The following DCHS2 variants were observed in gnomAD, a reference collection of about 807,000 sequenced individuals.
DCHS2 encodes protocadherin-23.
A neutral mutation model predicts 182.4 loss-of-function variants in DCHS2; 142 were observed. The observed-to-expected ratio is 0.78, with a 90% CI of 0.68 to 0.89. The LOEUF (loss-of-function observed/expected upper bound fraction) is 0.89, where lower values mean the gene tolerates loss of function less well. Ranked by LOEUF, DCHS2 falls within the 40% of genes least tolerant of loss-of-function variation. The pLI, the probability that DCHS2 is intolerant of heterozygous loss-of-function variation, is 0.00. For missense variants in DCHS2, 4,319 were observed against 4,198.6 expected, an observed-to-expected ratio of 1.03 and a Z score of -0.79; for synonymous variants, 1,740 against 1,663.3, an observed-to-expected ratio of 1.05 and a Z score of -1.12.
intron 13 of DCHS2, among the ~76,000 whole-genome samples, chr4:154,276,454 G>C (rs1421450046): frequency 6.6e-6 from 1 of 152,044 alleles, no homozygotes; most frequent in Non-Finnish European, 1.5e-5. Context: ...AATTATAAAA[G>C]TATTTAGGTA....
intron 1 of DCHS2, among the ~76,000 whole-genome samples, chr4:154,450,951 C>T (rs1734507265): frequency 6.6e-6 from 1 of 152,188 alleles, no homozygotes. Context: ...CATCTGGTCC[C>T]TCCTACAGCC....
intron 18 of DCHS2, 27 bp downstream of exon 18, chr4:154,240,510 G>T (rs1402973159): frequency 1.2e-6 from 2 of 1,603,402 alleles, no homozygotes; most frequent in Non-Finnish European, 1.7e-6. Context: ...TTTGGCTTTG[G>T]TTTCGGCATC....
intron 19 of DCHS2, 104 bp downstream of exon 19, chr4:154,239,066 T>C: frequency 2.1e-6 from 3 of 1,410,684 alleles, no homozygotes; most frequent in Admixed American, 2.6e-5. Context: ...CCATGCGGGG[T>C]GGGGAGGTGG....
chr4:154,352,010 C>A (rs1729641310), intron 3 of DCHS2, among the ~76,000 whole-genome samples: 1 of 151,984 alleles, frequency 6.6e-6, no homozygotes, highest in Admixed American at 6.6e-5. Context: ...GCATTCAACT[C>A]ACCTGAGTAT....
At chr4:154,263,207 A>G (rs1445445521) in intron 14 of DCHS2, among the ~76,000 whole-genome samples, 1 of 152,122 alleles carries the variant, frequency 6.6e-6, no homozygotes, top group African/African-American at 2.4e-5. Flanking sequence ...AAACCTATAC[A>G]ATTAGATACA....
At chr4:154,332,071 C>A (rs79209084) in intron 5 of DCHS2, among the ~76,000 whole-genome samples, 2 of 151,978 alleles carry the variant, frequency 1.3e-5, no homozygotes, top group African/African-American at 4.8e-5. Context: ...TCACAAAATA[C>A]GTTTTGACGT....
chr4:154,412,377 C>G (rs1469994990), intron 1 of DCHS2, among the ~76,000 whole-genome samples: 2 of 152,146 alleles, frequency 1.3e-5, no homozygotes, highest in East Asian at 3.9e-4. Flanking sequence ...GAGTAATCCT[C>G]TTTTCAGTCT....
intron 13 of DCHS2, among the ~76,000 whole-genome samples, chr4:154,280,158 C>T (rs1734063977): frequency 6.6e-6 from 1 of 151,906 alleles, no homozygotes; most frequent in Admixed American, 6.6e-5. Flanking sequence ...AAATATATAA[C>T]CTACCAAGAC....
At chr4:154,473,257 T>G (rs1735547673) in intron 1 of DCHS2, among the ~76,000 whole-genome samples, 1 of 152,210 alleles carries the variant, frequency 6.6e-6, no homozygotes, top group Non-Finnish European at 1.5e-5. Flanking sequence ...CTGGGCTCAG[T>G]GCATCCAGAC....
intron 10 of DCHS2, among the ~76,000 whole-genome samples, chr4:154,310,081 A>T (rs1042527903): frequency 6.6e-6 from 1 of 152,212 alleles, no homozygotes; most frequent in Non-Finnish European, 1.5e-5. Context: ...GGAGATGACT[A>T]TTCATGTAAA....
At chr4:154,388,953 C>A (rs1037837859) in intron 1 of DCHS2, among the ~76,000 whole-genome samples, 1 of 152,122 alleles carries the variant, frequency 6.6e-6, no homozygotes, top group African/African-American at 2.4e-5. Context: ...AGACCCACTA[C>A]AGCACGGATG....
intron 1 of DCHS2, among the ~76,000 whole-genome samples, chr4:154,456,321 T>A (rs1380506782): frequency 1.3e-5 from 2 of 152,208 alleles, no homozygotes; most frequent in Non-Finnish European, 2.9e-5. Context: ...CAAGCATTTA[T>A]TGAGCCTCTT....
At chr4:154,307,819 C>T (rs766651982) in intron 10 of DCHS2, among the ~76,000 whole-genome samples, 2 of 152,126 alleles carry the variant, frequency 1.3e-5, no homozygotes, top group South Asian at 2.1e-4. Context: ...GTCTCCTACC[C>T]GACCACTACC....
At chr4:154,374,981 T>G (rs1022544462) in intron 2 of DCHS2, among the ~76,000 whole-genome samples, 6 of 152,150 alleles carry the variant, frequency 3.9e-5, no homozygotes, top group Admixed American at 1.3e-4. Flanking sequence ...TGGTCAAGAA[T>G]AGTCAAGGTA....
intron 13 of DCHS2, among the ~76,000 whole-genome samples, chr4:154,297,169 C>T (rs534013755): frequency 6.6e-6 from 1 of 152,298 alleles, no homozygotes; most frequent in South Asian, 2.1e-4. Flanking sequence ...ACCCTGCTGA[C>T]CCAGGTGTGG....
intron 1 of DCHS2, among the ~76,000 whole-genome samples, chr4:154,488,697 G>T (rs951744762): frequency 2.0e-5 from 3 of 152,124 alleles, no homozygotes; most frequent in Admixed American, 6.5e-5. Flanking sequence ...GAGGTCAGGA[G>T]TTCGAGACCA....
chr4:154,449,821 A>G lies in DCHS2; in HGVS notation c.2052+39483T>C, dbSNP rs189623628. 4.5e-3 allele frequency among the ~76,000 whole-genome samples: 692 copies of G among 152,334 alleles called. 5 individuals are homozygous for G. Among genetic ancestry groups the G allele is most frequent in the Non-Finnish European group, 6.5e-3 (441 of 68,022 alleles). On this transcript the variant is annotated intron_variant, in intron 1 of 19. Coordinates refer to ENST00000357232, the MANE Select transcript of DCHS2 (RefSeq NM_001358235.2). ...CATTGCTAAAAATTTCCCTTAGGGCATCATTTGTTTGCCTTCACGTTTGTG... is the reference window on the plus strand; with the variant it reads ...CATTGCTAAAAATTTCCCTTAGGGCGTCATTTGTTTGCCTTCACGTTTGTG...
chr4:154,428,167 A>T (rs62331930), intron 1 of DCHS2, among the ~76,000 whole-genome samples: 43,910 of 152,086 alleles, frequency 0.29, 7,890 homozygotes, highest in East Asian at 0.68. Context: ...CATTGGAGAT[A>T]TGAAATCTAG....
In DCHS2 at chr4:154,305,138, G is replaced by C; in HGVS notation, c.5354C>G (p.Thr1785Ser). The part of the protein sequence containing the change: ...NSDTGEVVTT[T>S]ILDREIQEVF... The stretch of plus-strand genomic sequence containing the variant: ...TTCTTGAATTTCTCTGTCAAGTATG[G>C]TGGTTGTCACTACCTCTCCAGTGTC... The change falls in exon 11 of 20, where the codon ACC (threonine) becomes AGC (serine). Residue 1785 changes from threonine (T) to serine (S), a missense_variant. Coordinates refer to ENST00000357232, the MANE Select transcript of DCHS2 (RefSeq NM_001358235.2). 1 of 1,612,686 alleles carries C rather than the reference G, an allele frequency of 6.2e-7. No homozygotes were observed. Among genetic ancestry groups the C allele is most frequent in the Non-Finnish European group, 8.5e-7 (1 of 1,179,496 alleles).
Sources: allele counts gnomAD v4.1 joint callset (sites outside exome capture counted in the v4.1 genomes callset), GRCh38; gene constraint gnomAD v4.1.1; transcripts MANE v1.5; gene names NCBI Gene and HGNC (gene_info 2026-07-23, HGNC 2026-07-21).